Variants in VCAN observed in about 807,000 individuals in gnomAD.
VCAN encodes versican core protein.
VCAN carries 44 observed loss-of-function variants against 245.5 expected under a neutral mutation model. That is an observed-to-expected ratio of 0.18 (90% CI 0.14 to 0.23). VCAN has a LOEUF of 0.23. Ranked by LOEUF, VCAN falls within the 10% of genes least tolerant of loss-of-function variation. The probability of loss-of-function intolerance (pLI) is 1.00; values close to 1 mark genes in which losing one functional copy is unlikely to be tolerated. For synonymous variants in VCAN, 1,413 were observed against 1,437.0 expected (o/e 0.98, Z 0.38); for missense variants, 3,793 against 4,057.9 (o/e 0.93, Z 1.77).
chr5:83,488,639 T>C (rs1744864752), intron 2 of VCAN, among the ~76,000 whole-genome samples: 1 of 152,252 alleles, frequency 6.6e-6, no homozygotes, highest in South Asian at 2.1e-4. Context: ...GTCTTAGCAA[T>C]ATTTCAAAGG....
chr5:83,539,154 G>A lies in VCAN; in HGVS notation c.6151G>A (p.Val2051Ile). ...CGAAGGATTGGGAGAAGTGGGTACT[G>A]TCAATGAAATTGATAGAAGATCCAC... Reference protein sequence around the residue: ...IDEGLGEVGTVNEIDRRSTIL... With the variant: ...IDEGLGEVGTINEIDRRSTIL... Residue 2051 changes from valine to isoleucine, a missense_variant, in exon 8 of 15, where the codon GTC becomes ATC. Physicochemically the swap from Val to Ile is conservative, Grantham distance 29. This residue lies in a region of VCAN where 3,182 missense variants were observed against 3,250.3 expected (regional missense o/e 0.98). Transcript: ENST00000265077. The A allele has an allele frequency of 4.3e-6, 7 of 1,613,998 alleles. No homozygotes were observed. The highest frequency in any genetic ancestry group is 5.9e-6 in the Non-Finnish European group (7 of 1,179,972).
intron 12 of VCAN, among the ~76,000 whole-genome samples, chr5:83,570,286 C>T (rs952180732): frequency 6.6e-6 from 1 of 151,844 alleles, no homozygotes; most frequent in Admixed American, 6.6e-5. Context: ...AAAAAAACAA[C>T]TTCCTTAAGG....
At position 83,521,776 on chromosome 5, in the gene VCAN, T is replaced by C; in HGVS notation, c.3470T>C (p.Phe1157Ser). The change falls in exon 7 of 15, where the codon TTT (phenylalanine) becomes TCT (serine). Residue 1157 changes from phenylalanine (F) to serine (S), a missense_variant. Phe to Ser is a radical substitution (Grantham distance 155, BLOSUM62 -2). This residue lies in a region of VCAN where 3,182 missense variants were observed against 3,250.3 expected (regional missense o/e 0.98). Coordinates refer to ENST00000265077, the MANE Select transcript of VCAN (RefSeq NM_004385.5). The stretch of plus-strand genomic sequence containing the variant: ...GGATTTACATCATCTTTGAGTCCTT[T>C]TAGTACCCACATTACCCAGCTTATG... ...TTGFTSSLSP[F>S]STHITQLMEE... 6.2e-7 allele frequency: 1 copy of C among 1,614,168 alleles called. No homozygotes were observed. Among genetic ancestry groups the C allele is most frequent in the Non-Finnish European group, 8.5e-7 (1 of 1,180,026 alleles).
intron 8 of VCAN, chr5:83,544,828 G>A (rs2112455632): frequency 6.6e-6 from 1 of 152,318 alleles, no homozygotes; most frequent in Admixed American, 6.5e-5. Context: ...TATCTCCCAG[G>A]AGTGTCGGTT....
intron 1 of VCAN, among the ~76,000 whole-genome samples, chr5:83,475,020 G>A (rs933673716): frequency 6.6e-6 from 1 of 152,072 alleles, no homozygotes; most frequent in African/African-American, 2.4e-5. Flanking sequence ...ATACATTCAG[G>A]TCACTCTAAA....
At chr5:83,497,937 G>A (rs948799533) in intron 5 of VCAN, among the ~76,000 whole-genome samples, 1 of 152,100 alleles carries the variant, frequency 6.6e-6, no homozygotes, top group African/African-American at 2.4e-5. Flanking sequence ...TTCTTTCATT[G>A]TTGACCCACT....
chr5:83,545,196 T>C (rs1031578996), intron 8 of VCAN: 24 of 392,096 alleles, frequency 6.1e-5, no homozygotes, highest in Admixed American at 1.5e-4. Context: ...CCATTCACTG[T>C]GCACATATGT....
intron 13 of VCAN, among the ~76,000 whole-genome samples, chr5:83,579,094 A>G (rs1340813061): frequency 3.3e-5 from 5 of 152,210 alleles, no homozygotes; most frequent in Admixed American, 3.3e-4. Context: ...CTCAGGCATG[A>G]ATATTATGGT....
chr5:83,514,437 T>G (rs1163882868), intron 6 of VCAN, among the ~76,000 whole-genome samples: 2 of 151,060 alleles, frequency 1.3e-5, no homozygotes, highest in African/African-American at 2.4e-5. Flanking sequence ...TATGTGTGTG[T>G]GTGTGTGTGT....
intron 3 of VCAN, 72 bp from the exon 4 acceptor site, chr5:83,493,474 C>T: frequency 3.8e-6 from 6 of 1,595,688 alleles, no homozygotes; most frequent in Non-Finnish European, 5.1e-6. Context: ...ATACATTGCT[C>T]CAATGAGAAA....
intron 5 of VCAN, among the ~76,000 whole-genome samples, chr5:83,495,278 A>G (rs985583870): frequency 5.9e-5 from 9 of 152,216 alleles, no homozygotes; most frequent in Non-Finnish European, 1.2e-4. Context: ...CCCGAAAGCT[A>G]GAATATAAGC....
intron 8 of VCAN, chr5:83,545,114 G>T (rs906063652): frequency 1.7e-5 from 4 of 231,416 alleles, no homozygotes; most frequent in Admixed American, 1.0e-4. Flanking sequence ...AAGCCAACCT[G>T]CTAAAAAGAA....
chr5:83,568,375 A>T lies in VCAN; in HGVS notation c.9736-4041A>T, dbSNP rs185403893. 3.3e-5 allele frequency among the ~76,000 whole-genome samples: 5 copies of T among 152,304 alleles called. No homozygotes were observed. In the East Asian group the frequency reaches 9.6e-4, roughly 29 times the overall value. ...CATTCTTGTAAAAACCACAGAGCTA[A>T]AATTTGGTACTGCACCATTAAACTA... On this transcript the variant is annotated intron_variant, in intron 12 of 14. Transcript: ENST00000265077.
At chr5:83,560,077 C>T (rs906983062) in intron 12 of VCAN, among the ~76,000 whole-genome samples, 1 of 151,736 alleles carries the variant, frequency 6.6e-6, no homozygotes, top group African/African-American at 2.4e-5. Context: ...AATGTATCAA[C>T]CCAAAGGAAA....
At chr5:83,491,978 T>C (rs2112355996) in intron 3 of VCAN, among the ~76,000 whole-genome samples, 1 of 152,346 alleles carries the variant, frequency 6.6e-6, no homozygotes, top group Non-Finnish European at 1.5e-5. Flanking sequence ...ATATATATTT[T>C]CTGGCAATTT....
At chr5:83,519,198 G>A (rs934854745) in intron 6 of VCAN, 151 bp from the exon 7 acceptor site, 5 of 691,246 alleles carry the variant, frequency 7.2e-6, no homozygotes, top group Admixed American at 5.7e-5. Context: ...GTTAATTCAA[G>A]TATAGTTTTA....
At chr5:83,473,055 G>A (rs1048309873) in intron 1 of VCAN, among the ~76,000 whole-genome samples, 1 of 152,118 alleles carries the variant, frequency 6.6e-6, no homozygotes, top group African/African-American at 2.4e-5. Flanking sequence ...CTAGTTCTCC[G>A]CTCTAGTTGA....
intron 7 of VCAN, among the ~76,000 whole-genome samples, chr5:83,535,450 T>C (rs1039861647): frequency 1.3e-5 from 2 of 152,148 alleles, no homozygotes; most frequent in Non-Finnish European, 2.9e-5. Flanking sequence ...TGTCTTTGCA[T>C]TACATAAAAG....
At chr5:83,562,270 C>A (rs1447106941) in intron 12 of VCAN, 1 of 152,152 alleles carries the variant, frequency 6.6e-6, no homozygotes, top group Non-Finnish European at 1.5e-5. Flanking sequence ...CTCAGATTCC[C>A]TTCTGTGAAA....
Sources: allele counts gnomAD v4.1 joint callset (sites outside exome capture counted in the v4.1 genomes callset), GRCh38; gene constraint gnomAD v4.1.1; regional missense constraint gnomAD v4.1.1; transcripts MANE v1.5; gene names NCBI Gene and HGNC (gene_info 2026-07-23, HGNC 2026-07-21).